Variants in FHL2 observed in about 807,000 individuals in gnomAD.
The protein encoded by FHL2 is four and a half LIM domains 2.
A neutral mutation model predicts 32.7 loss-of-function variants in FHL2; 20 were observed. The observed-to-expected ratio is 0.61, with a 90% confidence interval of 0.43 to 0.89. The LOEUF (loss-of-function observed/expected upper bound fraction) is 0.89. Among genes scored for constraint, FHL2 ranks in the 40% least tolerant of loss-of-function variants. The probability of loss-of-function intolerance (pLI) is 0.00; values close to 1 mark genes in which losing one functional copy is unlikely to be tolerated. For missense variants in FHL2, 311 were observed against 358.6 expected, an observed-to-expected ratio of 0.87 and a Z score of 1.07; for synonymous variants, 123 against 128.1, an observed-to-expected ratio of 0.96 and a Z score of 0.27.
chr2:105,385,395 A>G (rs1185476058), intron 3 of FHL2, among the ~76,000 whole-genome samples: 2 of 152,224 alleles, frequency 1.3e-5, no homozygotes, highest in African/African-American at 4.8e-5. Context: ...GGCCTAAGTC[A>G]ATCAGTCAGC....
chr2:105,423,480 T>A (rs1179609498), intron 1 of FHL2, among the ~76,000 whole-genome samples: 1 of 152,206 alleles, frequency 6.6e-6, no homozygotes, highest in Admixed American at 6.5e-5. Context: ...TTTAGCTATT[T>A]GATAGACAAC....
chr2:105,406,546 G>A (rs1017276477), intron 1 of FHL2, among the ~76,000 whole-genome samples: 6 of 149,996 alleles, frequency 4.0e-5, no homozygotes, highest in Admixed American at 6.7e-5. Context: ...CCCAGCCATT[G>A]CTAACACTTT....
intron 3 of FHL2, among the ~76,000 whole-genome samples, chr2:105,382,586 G>T (rs1241697407): frequency 1.3e-5 from 2 of 152,240 alleles, no homozygotes; most frequent in African/African-American, 4.8e-5. Context: ...ATTTACAAGT[G>T]CCTGGAACAA....
At chr2:105,366,862 C>T (rs931848766) in intron 5 of FHL2, among the ~76,000 whole-genome samples, 7 of 152,210 alleles carry the variant, frequency 4.6e-5, no homozygotes, top group Non-Finnish European at 7.3e-5. Flanking sequence ...TCTCCTGCCT[C>T]AGTCTCCTGA....
chr2:105,379,290 G>T (rs753604982), intron 3 of FHL2, among the ~76,000 whole-genome samples: 5 of 152,148 alleles, frequency 3.3e-5, no homozygotes, highest in Non-Finnish European at 7.3e-5. Flanking sequence ...GTTAGTATAA[G>T]TCATTATTTA....
At chr2:105,401,043 AT>A (rs1415606054), upstream of FHL2, among the ~76,000 whole-genome samples, 3 of 149,374 alleles carry the variant, frequency 2.0e-5, no homozygotes, top group Non-Finnish European at 4.4e-5. Context: ...GCCAACTGCC[AT>A]GTATGGATCT....
intron 1 of FHL2, among the ~76,000 whole-genome samples, chr2:105,430,552 A>C (rs6753228): frequency 0.33 from 49,841 of 151,964 alleles, 8,463 homozygotes; most frequent in African/African-American, 0.43. Context: ...CCTGTAGTCC[A>C]AGCTACTCTG....
intron 1 of FHL2, among the ~76,000 whole-genome samples, chr2:105,414,477 C>G (rs993937960): frequency 3.9e-5 from 6 of 152,178 alleles, no homozygotes; most frequent in Non-Finnish European, 5.9e-5. Flanking sequence ...GACCCGCCCC[C>G]CCTCCGCCGC....
At chr2:105,358,403 G>A (rs1680096231), downstream of FHL2, 1 of 152,250 alleles carries the variant, frequency 6.6e-6, no homozygotes, top group African/African-American at 2.4e-5. Flanking sequence ...GCACTAAGCA[G>A]GCTAGGGTAG....
intron 3 of FHL2, among the ~76,000 whole-genome samples, chr2:105,381,787 G>T (rs939453585): frequency 4.6e-5 from 7 of 152,144 alleles, no homozygotes; most frequent in African/African-American, 1.7e-4. Flanking sequence ...AAGGTAATTT[G>T]CTCATTGAGA....
In FHL2 at chr2:105,375,011, G is replaced by A. The variant is rs550720006; in HGVS notation, c.157-1278C>T. Reference sequence around the variant, plus strand: ...TGTCTCTGTTACTGAAACCGAAGTCGAAGCTGGAGTTATGCTGAATGTAGG... The same window carrying A: ...TGTCTCTGTTACTGAAACCGAAGTCAAAGCTGGAGTTATGCTGAATGTAGG... On this transcript the variant is annotated intron_variant, in intron 3 of 6. Transcript: ENST00000530340. Among the ~76,000 whole-genome samples the A allele has an allele frequency of 5.9e-5, 9 of 152,328 alleles. No individual in the cohort carries two copies. In the East Asian group the frequency reaches 1.5e-3, roughly 26 times the overall value.
chr2:105,386,828 G>A (rs1203142112), intron 2 of FHL2, among the ~76,000 whole-genome samples: 2 of 142,236 alleles, frequency 1.4e-5, no homozygotes, highest in East Asian at 2.1e-4. Flanking sequence ...GCAGTGGTGC[G>A]ATCTCGGCTC....
In FHL2 at chr2:105,363,344, A is replaced by G. The variant is rs1285257759; in HGVS notation, c.629T>C (p.Leu210Pro). The G allele has an allele frequency of 1.2e-6, 2 of 1,614,088 alleles. No individual in the cohort carries two copies. The highest frequency in any genetic ancestry group is 4.5e-5 in the East Asian group (2 of 44,888). ...GGCATACAAGTCACAGAAGCAGTTCAGGCAGTAGGCAAAGTCATCGCGAGC... is the reference window on the plus strand; with the variant it reads ...GGCATACAAGTCACAGAAGCAGTTCGGGCAGTAGGCAAAGTCATCGCGAGC... ...FTARDDFAYCLNCFCDLYAKK... is the reference protein window; with the variant it reads ...FTARDDFAYCPNCFCDLYAKK... Residue 210 changes from leucine to proline, a missense_variant, in exon 6 of 7, where the codon CTG becomes CCG. Leu to Pro is a moderately conservative substitution (Grantham distance 98, BLOSUM62 -3). Transcript: ENST00000530340.
chr2:105,426,376 A>G (rs62152123), intron 1 of FHL2, among the ~76,000 whole-genome samples: 5,219 of 152,322 alleles, frequency 0.034, 136 homozygotes, highest in South Asian at 0.11. Context: ...AGGCTCCATA[A>G]TTCAAGTCAA....
intron 1 of FHL2, among the ~76,000 whole-genome samples, chr2:105,414,198 T>C (rs1465221197): frequency 6.6e-6 from 1 of 152,208 alleles, no homozygotes; most frequent in African/African-American, 2.4e-5. Context: ...GAAAGACACG[T>C]GGAGCTTCTG....
chr2:105,427,093 G>A (rs1254092535), intron 1 of FHL2, among the ~76,000 whole-genome samples: 2 of 152,116 alleles, frequency 1.3e-5, no homozygotes, highest in South Asian at 2.1e-4. Flanking sequence ...GAATCCAGGC[G>A]AAAGGAAAAA....
intron 6 of FHL2, among the ~76,000 whole-genome samples, chr2:105,361,842 A>G (rs1452701946): frequency 2.6e-5 from 4 of 152,148 alleles, no homozygotes; most frequent in African/African-American, 9.7e-5. Context: ...TAGAAGAGGA[A>G]AAGGTTAATC....
At chr2:105,425,392 G>T (rs1463631467) in intron 1 of FHL2, among the ~76,000 whole-genome samples, 1 of 152,192 alleles carries the variant, frequency 6.6e-6, no homozygotes, top group African/African-American at 2.4e-5. Flanking sequence ...GCAGGGTATT[G>T]TCCAAGGTTT....
At chr2:105,399,363 C>A (rs1301663776), upstream of FHL2, 2 of 1,535,980 alleles carry the variant, frequency 1.3e-6, no homozygotes, top group Non-Finnish European at 8.7e-7. Flanking sequence ...CTGCCCACGC[C>A]GGGATCTCTG....
Sources: gnomAD v4.1 joint callset for allele counts (sites outside exome capture counted in the v4.1 genomes callset) on GRCh38, gnomAD v4.1.1 for gene constraint, MANE v1.5 for transcripts, NCBI Gene and HGNC (gene_info 2026-07-23, HGNC 2026-07-21) for gene names.